The following FBXW8 variants were observed in gnomAD, a reference collection of about 807,000 sequenced individuals.
The protein encoded by FBXW8 is F-box/WD repeat-containing protein 8.
A neutral mutation model predicts 65.3 loss-of-function variants in FBXW8; 57 were observed. That is an observed-to-expected ratio of 0.87 (90% CI 0.71 to 1.09). The LOEUF (loss-of-function observed/expected upper bound fraction) is 1.09. Among genes scored for constraint, FBXW8 ranks in the 50% least tolerant of loss-of-function variants. The probability of loss-of-function intolerance (pLI) is 0.00; values close to 1 mark genes in which losing one functional copy is unlikely to be tolerated. For missense variants in FBXW8, 777 were observed against 814.8 expected, an observed-to-expected ratio of 0.95 and a Z score of 0.57; for synonymous variants, 308 against 330.2, an observed-to-expected ratio of 0.93 and a Z score of 0.73.
At chr12:116,942,921 G>A (rs947786965) in intron 2 of FBXW8, among the ~76,000 whole-genome samples, 1 of 151,632 alleles carries the variant, frequency 6.6e-6, no homozygotes, top group African/African-American at 2.4e-5. Context: ...GGGACTACAG[G>A]TGCGTGCCAC....
At chr12:116,911,652 C>T (rs1879954202) in intron 1 of FBXW8, among the ~76,000 whole-genome samples, 1 of 152,024 alleles carries the variant, frequency 6.6e-6, no homozygotes, top group Admixed American at 6.6e-5. Context: ...AGAGATGCTC[C>T]TGAACATCCT....
rs200870596 is a variant in FBXW8, at chr12:116,945,467, G to A, written c.527G>A (p.Cys176Tyr). ...LPDSSISDYS[C>Y]WKLIFQECRA... is the part of the protein sequence containing the mutation. Reference sequence around the variant, plus strand: ...GATAGCAGCATCTCTGACTATTCTTGCTGGAAGCTCATCTTCCAAGAGTGC... The same window carrying A: ...GATAGCAGCATCTCTGACTATTCTTACTGGAAGCTCATCTTCCAAGAGTGC... Residue 176 changes from cysteine to tyrosine, a missense_variant, in exon 3 of 11, where the codon TGC (cysteine) becomes TAC (tyrosine). Coordinates refer to ENST00000652555, the MANE Select transcript of FBXW8 (RefSeq NM_153348.3). 4 of 1,614,182 alleles carry A rather than the reference G, an allele frequency of 2.5e-6. No homozygotes were observed. In the East Asian group the frequency reaches 6.7e-5, roughly 27 times the overall value.
At chr12:117,026,397 C>A (rs1565948583) in intron 9 of FBXW8, among the ~76,000 whole-genome samples, 2 of 151,658 alleles carry the variant, frequency 1.3e-5, no homozygotes, top group Non-Finnish European at 2.9e-5. Context: ...GGCTGCAGGC[C>A]TCCACCAAGC....
Position 117,027,479 on chromosome 12 carries a change from C to A in FBXW8, c.1627C>A (p.Leu543Met). 1 of 1,614,164 alleles carries A rather than the reference C, an allele frequency of 6.2e-7. No homozygotes were observed. Among genetic ancestry groups the A allele is most frequent in the Non-Finnish European group, 8.5e-7 (1 of 1,180,014 alleles). ...CCAGACGGTAATGCGAAACGCCGACCTGGACAGCTTCACTACTCACAGGAG... is the reference window on the plus strand; with the variant it reads ...CCAGACGGTAATGCGAAACGCCGACATGGACAGCTTCACTACTCACAGGAG... ...PYQTVMRNAD[L>M]DSFTTHRRHR... The change falls in exon 10 of 11, where the codon CTG becomes ATG. Residue 543 changes from leucine to methionine, a missense_variant. Leu to Met is a conservative substitution (Grantham distance 15, BLOSUM62 2). Coordinates refer to ENST00000652555, the MANE Select transcript of FBXW8 (RefSeq NM_153348.3).
In FBXW8 at chr12:116,928,121, T is replaced by C; in HGVS notation, c.417T>C (p.Cys139=). ...QYLDRKELGR[C]AQVSKTWKVI... is the part of the protein sequence containing the mutation. ...TGGACAGGAAAGAACTAGGAAGATGTGCACAGGTAAGGTGTCACCAACAGA... is the reference window on the plus strand; with the variant it reads ...TGGACAGGAAAGAACTAGGAAGATGCGCACAGGTAAGGTGTCACCAACAGA... Residue 139 remains cysteine (C), a synonymous_variant, in exon 2 of 11, where the codon TGT becomes TGC. Transcript: ENST00000652555. 6.2e-7 allele frequency: 1 copy of C among 1,601,222 alleles called. No individual in the cohort carries two copies. The highest frequency in any genetic ancestry group is 8.5e-7 in the Non-Finnish European group (1 of 1,169,654).
chr12:117,001,177 C>G lies in FBXW8; in HGVS notation c.1240-9146C>G, dbSNP rs370661477. Among the ~76,000 whole-genome samples, 12 of 152,344 alleles carry G rather than the reference C, an allele frequency of 7.9e-5. No individual in the cohort carries two copies. The South Asian group carries it at 1.4e-3, about 18-fold the overall frequency. ...GTGCAAAATGCTGCTAAGCATGTCT[C>G]TGCCAATACCTCATGCACCATGTAG... is the stretch of plus-strand genomic sequence containing the variant. On this transcript the variant is annotated intron_variant, in intron 7 of 10. Coordinates refer to ENST00000652555, the MANE Select transcript of FBXW8 (RefSeq NM_153348.3).
chr12:116,937,942 T>C (rs1332736036), intron 2 of FBXW8, among the ~76,000 whole-genome samples: 1 of 151,926 alleles, frequency 6.6e-6, no homozygotes, highest in Non-Finnish European at 1.5e-5. Context: ...CAGCTGAGGC[T>C]CACTCGGTGG....
intron 1 of FBXW8, among the ~76,000 whole-genome samples, chr12:116,925,410 G>A (rs1881245274): frequency 6.6e-6 from 1 of 152,194 alleles, no homozygotes; most frequent in South Asian, 2.1e-4. Flanking sequence ...AAGGACCATT[G>A]ATAGAATATG....
At chr12:116,922,969 C>T (rs781697734) in intron 1 of FBXW8, among the ~76,000 whole-genome samples, 3 of 151,954 alleles carry the variant, frequency 2.0e-5, no homozygotes, top group Non-Finnish European at 2.9e-5. Context: ...TCCCAGCACT[C>T]TGAGAGGCCA....
In FBXW8 at chr12:116,961,020, T is replaced by A. The variant is rs1463410128; in HGVS notation, c.678-3677T>A. ...GATGCCTGGTTCTATCCCCAAATGG[T>A]CAGATTTATTTGGTCTGGGAGGCTG... On this transcript the variant is annotated intron_variant, in intron 4 of 10. Coordinates refer to ENST00000652555, the MANE Select transcript of FBXW8 (RefSeq NM_153348.3). The surrounding 1 kb of genome is among the most constrained non-coding windows in gnomAD (Gnocchi z 4.4). Among the ~76,000 whole-genome samples the A allele has an allele frequency of 6.6e-6, 1 of 151,976 alleles. No individual in the cohort carries two copies. The highest frequency in any genetic ancestry group is 6.6e-5 in the Admixed American group (1 of 15,250).
chr12:116,971,820 G>C (rs750860645), intron 5 of FBXW8, among the ~76,000 whole-genome samples: 1 of 152,128 alleles, frequency 6.6e-6, no homozygotes, highest in Non-Finnish European at 1.5e-5. Flanking sequence ...GAGGCTGTTG[G>C]TACCAAGTGA....
chr12:116,922,887 A>G (rs1881015241), intron 1 of FBXW8, among the ~76,000 whole-genome samples: 1 of 151,992 alleles, frequency 6.6e-6, no homozygotes, highest in South Asian at 2.1e-4. Context: ...TTGTGTTCTC[A>G]ACTTTTAGTG....
intron 7 of FBXW8, among the ~76,000 whole-genome samples, chr12:116,990,788 C>G (rs1350644983): frequency 6.6e-6 from 1 of 152,130 alleles, no homozygotes; most frequent in Non-Finnish European, 1.5e-5. Context: ...TCCAACTCAA[C>G]TAAAAGCATT....
chr12:116,992,492 T>G (rs967161754), intron 7 of FBXW8, among the ~76,000 whole-genome samples: 9 of 151,944 alleles, frequency 5.9e-5, no homozygotes, highest in Non-Finnish European at 1.3e-4. Flanking sequence ...GTTACATGGA[T>G]GAACTGTATA....
rs931114207 is a variant in FBXW8, at chr12:117,029,067, G to A, written c.*895G>A. The A allele has an allele frequency of 2.0e-5, 3 of 152,202 alleles. No homozygotes were observed. Among genetic ancestry groups the A allele is most frequent in the African/African-American group, 7.2e-5 (3 of 41,460 alleles). 9.4% of individuals were successfully genotyped at this position (152,202 alleles called of 1,614,324 possible). The stretch of plus-strand genomic sequence containing the variant: ...CGGCAGGCAAATCAGTGAGAAAAAT[G>A]TAAAGATCTGGAGGATTTACTTAGT... On this transcript the variant is annotated 3_prime_UTR_variant, in exon 11 of 11. Transcript: ENST00000652555.
At chr12:116,932,720 G>T (rs971554700) in intron 2 of FBXW8, among the ~76,000 whole-genome samples, 12 of 152,140 alleles carry the variant, frequency 7.9e-5, no homozygotes, top group African/African-American at 2.7e-4. Context: ...TTTTAGTAGA[G>T]ACGGGGTTTC....
At chr12:116,914,785 G>A (rs1357067614) in intron 1 of FBXW8, among the ~76,000 whole-genome samples, 1 of 152,286 alleles carries the variant, frequency 6.6e-6, no homozygotes, top group East Asian at 1.9e-4. Context: ...TGAGGCAGGA[G>A]AATCTCTTGA....
chr12:117,020,062 A>C (rs1233691953), intron 8 of FBXW8, among the ~76,000 whole-genome samples: 1 of 152,138 alleles, frequency 6.6e-6, no homozygotes, highest in Non-Finnish European at 1.5e-5. Context: ...GCACAGCCTA[A>C]ATGCATGTCC....
chr12:116,959,532 A>T (rs780355082), intron 4 of FBXW8, among the ~76,000 whole-genome samples: 8 of 152,316 alleles, frequency 5.3e-5, no homozygotes, highest in Non-Finnish European at 7.3e-5. Flanking sequence ...GCCTTAAAAA[A>T]TTTTGTTTTT....
Sources: allele counts gnomAD v4.1 joint callset (sites outside exome capture counted in the v4.1 genomes callset), GRCh38; gene constraint gnomAD v4.1.1; non-coding constraint Gnocchi (gnomAD v3.1); transcripts MANE v1.5; gene names NCBI Gene and HGNC (gene_info 2026-07-23, HGNC 2026-07-21).